The following AKAP12 variants were observed in gnomAD, a reference collection of about 807,000 sequenced individuals.
AKAP12 encodes the protein A-kinase anchor protein 12.
AKAP12 carries 32 observed loss-of-function variants against 79.9 expected under a neutral mutation model. That is an observed-to-expected ratio of 0.40 (90% CI 0.30 to 0.54). The LOEUF is 0.54. AKAP12 is among the 20% of genes least tolerant of loss of function. The pLI is 0.48. For synonymous variants in AKAP12, 808 were observed against 857.0 expected (o/e 0.94, Z 1.00); for missense variants, 2,074 against 2,177.0 (o/e 0.95, Z 0.94).
At chr6:151,280,213 A>C (rs1490789085) in intron 2 of AKAP12, among the ~76,000 whole-genome samples, 2 of 152,048 alleles carry the variant, frequency 1.3e-5, no homozygotes, top group Non-Finnish European at 2.9e-5. Flanking sequence ...CTCTTTACTG[A>C]TTGACATTTA....
chr6:151,324,093 C>T, intron 3 of AKAP12: 2 of 985,354 alleles, frequency 2.0e-6, no homozygotes, highest in Non-Finnish European at 2.4e-6. Context: ...GAAGGATGGT[C>T]AGTACCAGCA....
chr6:151,348,495 T>C, intron 3 of AKAP12: 1 of 613,808 alleles, frequency 1.6e-6, no homozygotes, highest in Non-Finnish European at 2.9e-6. Flanking sequence ...AAAACTTAGC[T>C]GGACATGGTG....
intron 2 of AKAP12, among the ~76,000 whole-genome samples, chr6:151,301,888 G>A (rs1776869448): frequency 6.6e-6 from 1 of 152,194 alleles, no homozygotes; most frequent in East Asian, 1.9e-4. Flanking sequence ...CTGAAAATTA[G>A]TATCTCATAA....
At chr6:151,253,217 A>C (rs1363171396) in intron 2 of AKAP12, among the ~76,000 whole-genome samples, 2 of 152,182 alleles carry the variant, frequency 1.3e-5, no homozygotes, top group Admixed American at 6.5e-5. Context: ...GTGATACGTA[A>C]GACAAGATTG....
At chr6:151,259,511 TAC>T (rs373506742) in intron 2 of AKAP12, among the ~76,000 whole-genome samples, 1,018 of 101,046 alleles carry the variant, frequency 0.01, 6 homozygotes, top group South Asian at 0.014. Context: ...TATATATATA[TAC>T]ACACACACAC....
chr6:151,306,930 T>G (rs1275088312), intron 3 of AKAP12, among the ~76,000 whole-genome samples: 1 of 152,222 alleles, frequency 6.6e-6, no homozygotes, highest in Admixed American at 6.5e-5. Context: ...AGTCCAAAGC[T>G]TTGTCTTTCC....
chr6:151,257,085 G>A (rs745960821), intron 2 of AKAP12, among the ~76,000 whole-genome samples: 2 of 152,064 alleles, frequency 1.3e-5, no homozygotes, highest in African/African-American at 2.4e-5. Flanking sequence ...TTCAGGGGAT[G>A]CATGTGCAGG....
At chr6:151,348,681 C>CG in intron 3 of AKAP12, 30 bp from the exon 4 acceptor site, 11 of 218,348 alleles carry the variant, frequency 5.0e-5, no homozygotes, top group East Asian at 1.2e-4. Flanking sequence ...TTTCTCTTCT[C>CG]CCCACCCCCC....
At chr6:151,267,993 A>G (rs1776084467) in intron 2 of AKAP12, among the ~76,000 whole-genome samples, 1 of 152,144 alleles carries the variant, frequency 6.6e-6, no homozygotes, top group Admixed American at 6.5e-5. Context: ...ACTCCTATGC[A>G]TGCTCCTTGA....
intron 3 of AKAP12, among the ~76,000 whole-genome samples, chr6:151,328,191 G>A (rs1029875722): frequency 6.6e-6 from 1 of 151,838 alleles, no homozygotes; most frequent in African/African-American, 2.4e-5. Context: ...AGCCGGGTGT[G>A]GTGGCGGGTG....
At chr6:151,240,866 T>A in intron 2 of AKAP12, 142 bp downstream of exon 2, 1 of 822,390 alleles carries the variant, frequency 1.2e-6, no homozygotes, top group Non-Finnish European at 1.6e-6. Flanking sequence ...TGCGAACCCC[T>A]CTTTGGAGGC....
chr6:151,348,016 AC>A (rs1363876676), intron 3 of AKAP12, among the ~76,000 whole-genome samples: 2 of 102,362 alleles, frequency 2.0e-5, no homozygotes, highest in African/African-American at 5.7e-5. Flanking sequence ...TACTAAAAAT[AC>A]AAAAAAAAAA....
At chr6:151,250,710 A>G (rs917366122) in intron 2 of AKAP12, among the ~76,000 whole-genome samples, 3 of 149,696 alleles carry the variant, frequency 2.0e-5, no homozygotes, top group African/African-American at 4.9e-5. Flanking sequence ...GGTTCACGCC[A>G]TTCTCCTGCC....
At chr6:151,306,062 AC>A (rs1776971826) in intron 3 of AKAP12, among the ~76,000 whole-genome samples, 159 bp downstream of exon 3, 1 of 152,154 alleles carries the variant, frequency 6.6e-6, no homozygotes, top group South Asian at 2.1e-4. Flanking sequence ...CCATTTGGAT[AC>A]CCCCTATACT....
chr6:151,286,877 G>C (rs11964574), intron 2 of AKAP12, among the ~76,000 whole-genome samples: 1,964 of 152,184 alleles, frequency 0.013, 47 homozygotes, highest in African/African-American at 0.045. Flanking sequence ...TACTGCTGTT[G>C]ACTTGACCAA....
intron 2 of AKAP12, among the ~76,000 whole-genome samples, chr6:151,260,037 T>C (rs1006659683): frequency 6.6e-6 from 1 of 152,194 alleles, no homozygotes; most frequent in Non-Finnish European, 1.5e-5. Flanking sequence ...TTGTGTTAAT[T>C]ACAAGGTTGA....
At chr6:151,271,653 G>A (rs1322678347) in intron 2 of AKAP12, among the ~76,000 whole-genome samples, 1 of 151,202 alleles carries the variant, frequency 6.6e-6, no homozygotes, top group Non-Finnish European at 1.5e-5. Context: ...AACATTAATT[G>A]ATTTTATTTA....
At chr6:151,261,262 C>T (rs964742329) in intron 2 of AKAP12, among the ~76,000 whole-genome samples, 1 of 151,846 alleles carries the variant, frequency 6.6e-6, no homozygotes, top group Admixed American at 6.6e-5. Flanking sequence ...CGCCTGCAAT[C>T]TCAGGAGGCT....
chr6:151,321,112 G>A (rs1173447238), intron 3 of AKAP12, among the ~76,000 whole-genome samples: 10 of 151,734 alleles, frequency 6.6e-5, no homozygotes, highest in Non-Finnish European at 1.3e-4. Flanking sequence ...TCAGCCTCCC[G>A]AGTAGCTGGG....
Sources: gnomAD v4.1 joint callset for allele counts (sites outside exome capture counted in the v4.1 genomes callset) on GRCh38, gnomAD v4.1.1 for gene constraint, MANE v1.5 for transcripts, NCBI Gene and HGNC (gene_info 2026-07-23, HGNC 2026-07-21) for gene names.